GFRAL: variants seen among roughly 807,000 people sequenced by gnomAD.
The protein encoded by GFRAL is GDNF family receptor alpha like.
Under a neutral mutation model 45.4 loss-of-function variants are expected in GFRAL, and 36 were observed. That is an observed-to-expected ratio of 0.79 (90% CI 0.61 to 1.05). The LOEUF is 1.05. Ranked by LOEUF, GFRAL falls within the 50% of genes least tolerant of loss-of-function variation. The pLI, the probability that GFRAL is intolerant of heterozygous loss-of-function variation, is 0.00. For missense variants in GFRAL, 507 were observed against 467.5 expected, an observed-to-expected ratio of 1.08 and a Z score of -0.78; for synonymous variants, 166 against 154.1, an observed-to-expected ratio of 1.08 and a Z score of -0.57.
At chr6:55,350,620 G>C (rs1271748041) in intron 4 of GFRAL, among the ~76,000 whole-genome samples, 2 of 152,142 alleles carry the variant, frequency 1.3e-5, no homozygotes, top group Admixed American at 1.3e-4. Context: ...AGGATCACTT[G>C]AGCCCAGGAG....
At chr6:55,374,868 A>T (rs554802069) in intron 6 of GFRAL, among the ~76,000 whole-genome samples, 3 of 152,234 alleles carry the variant, frequency 2.0e-5, no homozygotes, top group African/African-American at 7.2e-5. Context: ...GGCATCATTT[A>T]TTAAATAGGG....
intron 3 of GFRAL, among the ~76,000 whole-genome samples, chr6:55,347,148 T>C (rs1428537493): frequency 1.3e-5 from 2 of 152,030 alleles, no homozygotes; most frequent in South Asian, 2.1e-4. Flanking sequence ...GTGAGTGATA[T>C]AGGCTGGAAA....
chr6:55,341,953 C>T (rs114314601), intron 3 of GFRAL, among the ~76,000 whole-genome samples: 2,000 of 151,350 alleles, frequency 0.013, 23 homozygotes, highest in Non-Finnish European at 0.022. Flanking sequence ...TGAAAGGAAG[C>T]GAGAAGAGAA....
intron 6 of GFRAL, among the ~76,000 whole-genome samples, chr6:55,376,978 G>T (rs775551426): frequency 2.2e-4 from 33 of 151,730 alleles, no homozygotes; most frequent in Non-Finnish European, 2.8e-4. Context: ...TTATTTTAAT[G>T]CCTCTAATCT....
intron 6 of GFRAL, among the ~76,000 whole-genome samples, chr6:55,368,159 C>T (rs9475268): frequency 0.19 from 27,846 of 150,070 alleles, 2,856 homozygotes; most frequent in African/African-American, 0.29. Context: ...TCTTTTTTCT[C>T]TAAACTTCCC....
intron 8 of GFRAL, among the ~76,000 whole-genome samples, chr6:55,400,736 GAGTCCATT>G (rs1768885625): frequency 6.6e-6 from 1 of 152,136 alleles, no homozygotes; most frequent in Non-Finnish European, 1.5e-5. Flanking sequence ...CAAATAATTA[GAGTCCATT>G]GCTAAGAGGG....
chr6:55,376,040 C>G (rs1225126089), intron 6 of GFRAL, among the ~76,000 whole-genome samples: 1 of 152,048 alleles, frequency 6.6e-6, no homozygotes, highest in Non-Finnish European at 1.5e-5. Context: ...CCTTCAATAA[C>G]TAGTTTATTG....
At chr6:55,401,291 C>T (rs889974405) in intron 8 of GFRAL, among the ~76,000 whole-genome samples, 2 of 152,112 alleles carry the variant, frequency 1.3e-5, no homozygotes, top group Non-Finnish European at 2.9e-5. Context: ...AAATTTAAAG[C>T]CATCATAAAA....
chr6:55,402,396 A>G lies in GFRAL; in HGVS notation c.*543A>G, dbSNP rs1025735373. On this transcript the variant is annotated 3_prime_UTR_variant, in exon 9 of 9. Coordinates refer to ENST00000340465, the MANE Select transcript of GFRAL (RefSeq NM_207410.2). ...ATATTGCTTTGTTACATATAATAAT[A>G]TGGCATGATGATGTTATTTTTTTCT... 6.6e-6 allele frequency: 1 copy of G among 151,776 alleles called. No individual in the cohort carries two copies. Among genetic ancestry groups the G allele is most frequent in the African/African-American group, 2.4e-5 (1 of 41,420 alleles). 9.4% of individuals were successfully genotyped at this position (151,776 alleles called of 1,614,324 possible).
intron 6 of GFRAL, among the ~76,000 whole-genome samples, chr6:55,362,414 A>G (rs76111112): frequency 0.041 from 6,262 of 152,120 alleles, 843 homozygotes; most frequent in East Asian, 0.36. Flanking sequence ...AAGAGCCCTT[A>G]TCTGGTCCTG....
chr6:55,361,731 G>T (rs974833558), intron 6 of GFRAL, among the ~76,000 whole-genome samples: 1 of 151,924 alleles, frequency 6.6e-6, no homozygotes, highest in Non-Finnish European at 1.5e-5. Context: ...ATTTGCTGAA[G>T]GAAGTATGTC....
intron 6 of GFRAL, among the ~76,000 whole-genome samples, chr6:55,393,120 C>T (rs1455083924): frequency 1.3e-5 from 2 of 148,880 alleles, no homozygotes; most frequent in African/African-American, 2.4e-5. Context: ...CCTCAATGAA[C>T]ATCTTATGCC....
chr6:55,400,820 T>G (rs1768886708), intron 8 of GFRAL, among the ~76,000 whole-genome samples: 1 of 152,204 alleles, frequency 6.6e-6, no homozygotes, highest in Non-Finnish European at 1.5e-5. Flanking sequence ...GAACACTGTT[T>G]AGTTATTGTT....
chr6:55,328,654 T>C (rs1365295522), intron 1 of GFRAL, among the ~76,000 whole-genome samples: 4 of 151,974 alleles, frequency 2.6e-5, no homozygotes, highest in African/African-American at 9.6e-5. Flanking sequence ...TAGGAAACTT[T>C]AATTTTTATA....
At chr6:55,352,039 T>C (rs1414581016) in intron 5 of GFRAL, among the ~76,000 whole-genome samples, 3 of 152,102 alleles carry the variant, frequency 2.0e-5, no homozygotes, top group African/African-American at 7.2e-5. Context: ...GCATAAATAC[T>C]CACATGAGTG....
intron 6 of GFRAL, among the ~76,000 whole-genome samples, chr6:55,369,731 A>T (rs1264949952): frequency 1.3e-5 from 2 of 152,222 alleles, no homozygotes; most frequent in East Asian, 3.8e-4. Context: ...CATTTTAATG[A>T]GAAAGTTTCA....
At chr6:55,337,690 A>G (rs1767909917) in intron 3 of GFRAL, among the ~76,000 whole-genome samples, 1 of 152,014 alleles carries the variant, frequency 6.6e-6, no homozygotes, top group Non-Finnish European at 1.5e-5. Flanking sequence ...TTTTCAGTTT[A>G]CTGTTTCTTT....
intron 6 of GFRAL, among the ~76,000 whole-genome samples, chr6:55,373,158 A>G (rs927095741): frequency 2.6e-5 from 4 of 152,088 alleles, no homozygotes; most frequent in Non-Finnish European, 5.9e-5. Context: ...GAGATCCTAT[A>G]CTATAGGCAT....
At chr6:55,384,606 C>T (rs539601237) in intron 6 of GFRAL, among the ~76,000 whole-genome samples, 6 of 152,046 alleles carry the variant, frequency 3.9e-5, no homozygotes, top group South Asian at 2.1e-4. Flanking sequence ...ATTTTTGCTT[C>T]GCACTGGGTA....
Sources: gnomAD v4.1 joint callset for allele counts (sites outside exome capture counted in the v4.1 genomes callset) on GRCh38, gnomAD v4.1.1 for gene constraint, MANE v1.5 for transcripts, NCBI Gene and HGNC (gene_info 2026-07-23, HGNC 2026-07-21) for gene names.